BMERB1: variants seen among roughly 807,000 people sequenced by gnomAD.
BMERB1 encodes the protein bMERB domain-containing protein 1.
Under a neutral mutation model 23.6 loss-of-function variants are expected in BMERB1, and 12 were observed. That is an observed-to-expected ratio of 0.51 (90% CI 0.33 to 0.82). The LOEUF (loss-of-function observed/expected upper bound fraction) is 0.82. BMERB1 is among the 40% of genes least tolerant of loss of function. The pLI is 0.03. For synonymous variants in BMERB1, 122 were observed against 96.6 expected (o/e 1.26, Z -1.54); for missense variants, 247 against 255.4 (o/e 0.97, Z 0.22).
chr16:15,533,557 G>A (rs2051991101), intron 2 of BMERB1, among the ~76,000 whole-genome samples: 1 of 152,050 alleles, frequency 6.6e-6, no homozygotes. Flanking sequence ...AGGTGTAGGG[G>A]GGCTTGAGCC....
intron 2 of BMERB1, among the ~76,000 whole-genome samples, chr16:15,531,503 A>G (rs1367731604): frequency 4.6e-5 from 7 of 152,198 alleles, no homozygotes; most frequent in Admixed American, 3.3e-4. Context: ...AGCAATTCAT[A>G]TAAGGGCCAA....
chr16:15,494,119 G>T (rs2051449774), intron 1 of BMERB1, among the ~76,000 whole-genome samples: 1 of 152,140 alleles, frequency 6.6e-6, no homozygotes, highest in African/African-American at 2.4e-5. Context: ...TTGCAGGGAT[G>T]GGGGATATTT....
chr16:15,476,502 A>G (rs2051276139), intron 1 of BMERB1, among the ~76,000 whole-genome samples: 1 of 152,088 alleles, frequency 6.6e-6, no homozygotes, highest in Admixed American at 6.5e-5. Flanking sequence ...GTGGGTGTGG[A>G]GGTTCAGCTT....
chr16:15,572,790 G>A (rs947453398), intron 3 of BMERB1, among the ~76,000 whole-genome samples: 1 of 152,114 alleles, frequency 6.6e-6, no homozygotes, highest in African/African-American at 2.4e-5. Flanking sequence ...TATAATCCCC[G>A]TGTGTTGTGG....
chr16:15,479,576 G>A (rs532459625), intron 1 of BMERB1, among the ~76,000 whole-genome samples: 4 of 152,072 alleles, frequency 2.6e-5, no homozygotes, highest in Non-Finnish European at 5.9e-5. Context: ...TGTGAGGTTA[G>A]ATTTTCCTTA....
Position 15,505,702 on chromosome 16 carries a change from A to T in BMERB1, c.107-9603A>T, listed in dbSNP as rs541129176. Among the ~76,000 whole-genome samples, 64 of 152,064 alleles carry T rather than the reference A, an allele frequency of 4.2e-4. 1 individual carries two copies. In the South Asian group the frequency reaches 0.013, roughly 32 times the overall value. The stretch of plus-strand genomic sequence containing the variant: ...CAGGAGATCGAGACCATCCTGGCTA[A>T]CATGGTGAAACCCGTCTCTACTAAA... On this transcript the variant is annotated intron_variant, in intron 1 of 5. Transcript: ENST00000300006.
At chr16:15,575,398 A>G (rs1038602139) in intron 3 of BMERB1, among the ~76,000 whole-genome samples, 2 of 152,198 alleles carry the variant, frequency 1.3e-5, no homozygotes, top group African/African-American at 2.4e-5. Context: ...TCTTACTGAT[A>G]AGTTGCTTAT....
At chr16:15,505,453 G>T (rs2051577681) in intron 1 of BMERB1, among the ~76,000 whole-genome samples, 1 of 152,160 alleles carries the variant, frequency 6.6e-6, no homozygotes. Context: ...CCTTAAGCAG[G>T]CTATAGTATT....
intron 2 of BMERB1, among the ~76,000 whole-genome samples, chr16:15,550,156 G>A (rs1171333109): frequency 6.6e-6 from 1 of 152,120 alleles, no homozygotes; most frequent in East Asian, 1.9e-4. Flanking sequence ...AGCCAGGATG[G>A]TCTCTATCTC....
In BMERB1 at chr16:15,502,895, G is replaced by T. The variant is rs577631664; in HGVS notation, c.107-12410G>T. ...TGAGTCTGTGTTCTTCAAATTTGATGGTGGCTCCAATTTTATTTTCTCCCC... is the reference window on the plus strand; with the variant it reads ...TGAGTCTGTGTTCTTCAAATTTGATTGTGGCTCCAATTTTATTTTCTCCCC... On this transcript the variant is annotated intron_variant, in intron 1 of 5. Transcript: ENST00000300006. Among the ~76,000 whole-genome samples, 7 of 152,156 alleles carry T rather than the reference G, an allele frequency of 4.6e-5. No individual in the cohort carries two copies. In the South Asian group the frequency reaches 1.5e-3, roughly 32 times the overall value.
intron 2 of BMERB1, among the ~76,000 whole-genome samples, chr16:15,523,302 T>C (rs922844165): frequency 1.3e-5 from 2 of 152,200 alleles, no homozygotes; most frequent in African/African-American, 4.8e-5. Flanking sequence ...GTGTGTCACC[T>C]GCTAGGGTCT....
At chr16:15,558,750 T>C (rs1283899487) in intron 2 of BMERB1, among the ~76,000 whole-genome samples, 2 of 151,922 alleles carry the variant, frequency 1.3e-5, no homozygotes, top group Non-Finnish European at 2.9e-5. Context: ...GCTTGACTTT[T>C]AGCTATATAA....
At position 15,478,246 on chromosome 16, in the gene BMERB1, C is replaced by T. The variant is rs570543390; in HGVS notation, c.107-37059C>T. On this transcript the variant is annotated intron_variant, in intron 1 of 5. Transcript: ENST00000300006. ...AATCTCGGCTCACTGCAGCCTCTGC[C>T]TCTCCCGGGTTCAAGCGATTCTCCT... 2.6e-3 allele frequency among the ~76,000 whole-genome samples: 391 copies of T among 152,090 alleles called. 5 individuals carry two copies. Among genetic ancestry groups the T allele is most frequent in the African/African-American group, 9.1e-3 (378 of 41,490 alleles).
At chr16:15,447,412 C>A (rs901046392) in intron 1 of BMERB1, among the ~76,000 whole-genome samples, 1 of 152,102 alleles carries the variant, frequency 6.6e-6, no homozygotes, top group East Asian at 1.9e-4. Context: ...GGGGAAACCG[C>A]CCCCATGATC....
chr16:15,496,471 C>A (rs1356454774), intron 1 of BMERB1, among the ~76,000 whole-genome samples: 1 of 152,152 alleles, frequency 6.6e-6, no homozygotes, highest in Non-Finnish European at 1.5e-5. Context: ...CACTTACCAG[C>A]CACACAACTA....
intron 2 of BMERB1, among the ~76,000 whole-genome samples, chr16:15,553,201 T>C (rs561915017): frequency 2.6e-5 from 4 of 152,264 alleles, no homozygotes; most frequent in Non-Finnish European, 4.4e-5. Flanking sequence ...AGAGATGGAG[T>C]TTCGCCATGT....
intron 1 of BMERB1, among the ~76,000 whole-genome samples, chr16:15,501,706 T>G (rs1365845044): frequency 6.6e-6 from 1 of 152,168 alleles, no homozygotes; most frequent in Non-Finnish European, 1.5e-5. Flanking sequence ...ACTCCTGACC[T>G]CAGGTGATCC....
chr16:15,501,411 A>G (rs545604505), intron 1 of BMERB1, among the ~76,000 whole-genome samples: 12 of 142,642 alleles, frequency 8.4e-5, no homozygotes, highest in South Asian at 2.3e-4. Flanking sequence ...TCCTGCCTCA[A>G]CCTTCTGAGT....
intron 1 of BMERB1, among the ~76,000 whole-genome samples, chr16:15,460,814 A>G (rs566572188): frequency 3.3e-5 from 5 of 152,266 alleles, no homozygotes; most frequent in African/African-American, 1.2e-4. Context: ...GTAATATGCT[A>G]AGTGCTTTAT....
Sources: allele counts gnomAD v4.1 joint callset (sites outside exome capture counted in the v4.1 genomes callset), GRCh38; gene constraint gnomAD v4.1.1; transcripts MANE v1.5; gene names NCBI Gene and HGNC (gene_info 2026-07-23, HGNC 2026-07-21).